COLEC12: variants seen among roughly 807,000 people sequenced by gnomAD.
COLEC12 encodes collectin subfamily member 12, also known as collectin-12.
In COLEC12, 33 loss-of-function variants were observed where a neutral mutation model predicts 71.1. That is an observed-to-expected ratio of 0.46 (90% CI 0.35 to 0.62). The LOEUF is 0.62. Ranked by LOEUF, COLEC12 falls within the 20% of genes least tolerant of loss-of-function variation. COLEC12 has a pLI of 0.00. For synonymous variants in COLEC12, 350 were observed against 353.0 expected, an observed-to-expected ratio of 0.99 and a Z score of 0.10; for missense variants, 765 against 916.1, an observed-to-expected ratio of 0.84 and a Z score of 2.13.
At chr18:472,679 A>C (rs1219028067) in intron 2 of COLEC12, among the ~76,000 whole-genome samples, 4 of 14,368 alleles carry the variant, frequency 2.8e-4, no homozygotes, top group African/African-American at 1.0e-3. Context: ...GCCCTGTGAC[A>C]AAAAAAAAAA....
intron 3 of COLEC12, among the ~76,000 whole-genome samples, chr18:353,260 C>T (rs1914561902): frequency 6.6e-6 from 1 of 152,108 alleles, no homozygotes; most frequent in South Asian, 2.1e-4. Context: ...TAATAATAGC[C>T]TCTATTTATC....
chr18:395,801 G>C (rs1030737564), intron 2 of COLEC12, among the ~76,000 whole-genome samples: 5 of 152,208 alleles, frequency 3.3e-5, no homozygotes, highest in African/African-American at 1.2e-4. Context: ...GACTCAAAGA[G>C]TGTAGAAGAT....
intron 2 of COLEC12, among the ~76,000 whole-genome samples, chr18:452,856 C>G (rs904254472): frequency 6.6e-6 from 1 of 152,190 alleles, no homozygotes; most frequent in South Asian, 2.1e-4. Context: ...CCAAGTGGAG[C>G]ACAGGGCAGC....
chr18:349,193 G>C (rs550931751), intron 3 of COLEC12, among the ~76,000 whole-genome samples: 202 of 152,314 alleles, frequency 1.3e-3, no homozygotes, highest in African/African-American at 4.6e-3. Flanking sequence ...CGTGGGCCAG[G>C]CCCAGGGTCC....
At chr18:465,507 T>C (rs893963893) in intron 2 of COLEC12, among the ~76,000 whole-genome samples, 5 of 152,216 alleles carry the variant, frequency 3.3e-5, no homozygotes, top group South Asian at 4.1e-4. Context: ...CCAAAGTTCC[T>C]TGAACCTTTC....
intron 2 of COLEC12, among the ~76,000 whole-genome samples, chr18:377,168 G>A (rs946568727): frequency 6.6e-6 from 1 of 152,222 alleles, no homozygotes; most frequent in Admixed American, 6.5e-5. Flanking sequence ...AAATCCTACA[G>A]GAAGTGAAGG....
rs745762991 is a variant in COLEC12 at position 336,716 on chromosome 18, A to G, written c.1328-1486T>C. On this transcript the variant is annotated intron_variant, in intron 5 of 9. Coordinates refer to ENST00000400256, the MANE Select transcript of COLEC12 (RefSeq NM_130386.3). ...GGAGAGTAAGACATGGTCAGTCACA[A>G]TCTAGTAGTGGAGCTGGGGCATGAA... 3.9e-3 allele frequency among the ~76,000 whole-genome samples: 594 copies of G among 152,274 alleles called. 1 individual carries two copies. The highest frequency in any genetic ancestry group is 7.1e-3 in the Non-Finnish European group (484 of 68,012).
intron 2 of COLEC12, among the ~76,000 whole-genome samples, chr18:406,310 C>G (rs1270052414): frequency 2.0e-5 from 3 of 152,072 alleles, no homozygotes; most frequent in African/African-American, 7.2e-5. Context: ...GAGATCGAGA[C>G]CATCCTGGCT....
chr18:327,104 T>C lies in COLEC12; in HGVS notation c.2063+4564A>G, dbSNP rs1913862911. Among the ~76,000 whole-genome samples the C allele has an allele frequency of 6.6e-6, 1 of 152,200 alleles. No homozygotes were observed. The highest frequency in any genetic ancestry group is 1.5e-5 in the Non-Finnish European group (1 of 68,038). On this transcript the variant is annotated intron_variant, in intron 8 of 9. Transcript: ENST00000400256. The surrounding 1 kb of genome is among the most constrained non-coding windows in gnomAD (Gnocchi z 4.0). ...CATGAGACTGTGGGCCAATGGACTC[T>C]AATCTCCAGTCAGGGGCTGGGTGTT...
intron 2 of COLEC12, among the ~76,000 whole-genome samples, chr18:439,549 A>C (rs1400136863): frequency 6.6e-6 from 1 of 151,816 alleles, no homozygotes; most frequent in East Asian, 1.9e-4. Flanking sequence ...GATTTTAAAA[A>C]ATTTATTTTA....
chr18:493,796 A>G lies in COLEC12; in HGVS notation c.7+6712T>C, dbSNP rs187446499. 2.0e-5 allele frequency among the ~76,000 whole-genome samples: 3 copies of G among 152,370 alleles called. No individual in the cohort carries two copies. The East Asian group carries it at 5.8e-4, about 29-fold the overall frequency. On this transcript the variant is annotated intron_variant, in intron 1 of 9. Coordinates refer to ENST00000400256, the MANE Select transcript of COLEC12 (RefSeq NM_130386.3). Reference sequence around the variant, plus strand: ...AATGGAAAACTAATACTACTGATGAAATAGACATGACATCATATGGTTTAA... The same window carrying G: ...AATGGAAAACTAATACTACTGATGAGATAGACATGACATCATATGGTTTAA...
chr18:378,926 T>C (rs1212433079), intron 2 of COLEC12, among the ~76,000 whole-genome samples: 2 of 152,050 alleles, frequency 1.3e-5, no homozygotes, highest in Non-Finnish European at 2.9e-5. Context: ...ACCAGTGCCC[T>C]CAAGAACTTC....
intron 2 of COLEC12, among the ~76,000 whole-genome samples, chr18:409,163 C>T (rs1348338518): frequency 1.3e-5 from 2 of 152,166 alleles, no homozygotes; most frequent in Admixed American, 1.3e-4. Flanking sequence ...TCAGCTTATT[C>T]CTCTTAAACA....
chr18:352,962 T>C (rs577601670), intron 3 of COLEC12, among the ~76,000 whole-genome samples: 106 of 152,344 alleles, frequency 7.0e-4, no homozygotes, highest in African/African-American at 1.8e-3. Flanking sequence ...AATTGTTTCT[T>C]AAGGTAGAAT....
At chr18:356,066 G>A (rs547073830) in intron 3 of COLEC12, among the ~76,000 whole-genome samples, 114 of 152,192 alleles carry the variant, frequency 7.5e-4, no homozygotes, top group Non-Finnish European at 1.3e-3. Context: ...CTTAGAGATG[G>A]GACTAAAAGT....
intron 1 of COLEC12, among the ~76,000 whole-genome samples, chr18:490,366 G>T (rs758674301): frequency 6.6e-6 from 1 of 152,188 alleles, no homozygotes; most frequent in African/African-American, 2.4e-5. Flanking sequence ...ACAGGGTTTC[G>T]GGATGGTTTT....
intron 7 of COLEC12, 52 bp from the exon 8 acceptor site, chr18:331,829 C>T: frequency 9.3e-7 from 1 of 1,077,464 alleles, no homozygotes; most frequent in Non-Finnish European, 1.4e-6. Flanking sequence ...ACAGATGTCT[C>T]AGGCCTTTTT....
At chr18:424,299 C>G (rs925306238) in intron 2 of COLEC12, 17 of 152,194 alleles carry the variant, frequency 1.1e-4, no homozygotes, top group African/African-American at 3.9e-4. Flanking sequence ...CCGTCGCCAT[C>G]CAGCCCTCTG....
intron 2 of COLEC12, among the ~76,000 whole-genome samples, chr18:387,789 T>C (rs1915377399): frequency 6.6e-6 from 1 of 152,202 alleles, no homozygotes; most frequent in African/African-American, 2.4e-5. Context: ...TAACCCAGTG[T>C]GTAATTTTAA....
Sources: gnomAD v4.1 joint callset for allele counts (sites outside exome capture counted in the v4.1 genomes callset) on GRCh38, gnomAD v4.1.1 for gene constraint, Gnocchi (gnomAD v3.1) non-coding constraint, MANE v1.5 for transcripts, NCBI Gene and HGNC (gene_info 2026-07-23, HGNC 2026-07-21) for gene names.